PCSK5: variants seen among roughly 807,000 people sequenced by gnomAD.
PCSK5 encodes prohormone convertase 5.
Under a neutral mutation model 233.2 loss-of-function variants are expected in PCSK5, and 129 were observed. The observed-to-expected ratio is 0.55, with a 90% CI of 0.48 to 0.64. PCSK5 has a LOEUF of 0.64. PCSK5 is among the 30% of genes least tolerant of loss of function. PCSK5 has a pLI of 0.00. For synonymous variants in PCSK5, 825 were observed against 879.2 expected (o/e 0.94, Z 1.09); for missense variants, 2,076 against 2,430.1 (o/e 0.85, Z 3.06).
intron 20 of PCSK5, among the ~76,000 whole-genome samples, chr9:76,190,434 T>C (rs1213271465): frequency 6.6e-6 from 1 of 152,184 alleles, no homozygotes; most frequent in Non-Finnish European, 1.5e-5. Flanking sequence ...TATTGTTGTA[T>C]TTCTTTCCAG....
intron 5 of PCSK5, among the ~76,000 whole-genome samples, chr9:76,039,185 T>C (rs1023181): frequency 0.28 from 42,618 of 152,110 alleles, 7,133 homozygotes; most frequent in East Asian, 0.56. Flanking sequence ...CATATTCTCA[T>C]TGTGTTTTTA....
chr9:76,058,456 G>T (rs1356989389), intron 5 of PCSK5, among the ~76,000 whole-genome samples: 1 of 152,170 alleles, frequency 6.6e-6, no homozygotes, highest in African/African-American at 2.4e-5. Context: ...GATGAGACAA[G>T]AGGATAAATA....
chr9:76,018,648 A>G (rs1828054573), intron 3 of PCSK5, among the ~76,000 whole-genome samples: 1 of 139,070 alleles, frequency 7.2e-6, no homozygotes, highest in Non-Finnish European at 1.6e-5. Flanking sequence ...GGGGACCGCT[A>G]TTCTAAAGAA....
chr9:76,090,705 A>G (rs960725304), intron 7 of PCSK5, among the ~76,000 whole-genome samples: 27 of 152,184 alleles, frequency 1.8e-4, no homozygotes, highest in Admixed American at 1.2e-3. Flanking sequence ...GAACGGTTTC[A>G]TGGAAGTCAG....
At chr9:75,996,082 A>C (rs944851785) in intron 3 of PCSK5, among the ~76,000 whole-genome samples, 1 of 152,214 alleles carries the variant, frequency 6.6e-6, no homozygotes, top group African/African-American at 2.4e-5. Context: ...CTCCTTAAAA[A>C]AATACTTTGT....
At chr9:76,351,653 GAGAGAGAA>G (rs138554812) in intron 36 of PCSK5, among the ~76,000 whole-genome samples, 16 of 93,756 alleles carry the variant, frequency 1.7e-4, no homozygotes, top group Non-Finnish European at 3.2e-4. Context: ...GAAAGAAAGA[GAGAGAGAA>G]AGAAAGAAAG....
At chr9:76,249,297 C>G (rs994056074) in intron 24 of PCSK5, among the ~76,000 whole-genome samples, 4 of 151,868 alleles carry the variant, frequency 2.6e-5, no homozygotes, top group Non-Finnish European at 4.4e-5. Context: ...ATGCTGAGGT[C>G]AAGAAAAATC....
intron 32 of PCSK5, among the ~76,000 whole-genome samples, chr9:76,324,083 G>A (rs531365314): frequency 1.3e-5 from 2 of 151,392 alleles, no homozygotes; most frequent in Non-Finnish European, 1.5e-5. Context: ...GTGCCACCAC[G>A]CCTGGCTAAT....
Position 76,071,822 on chromosome 9 carries a change from G to T in PCSK5, c.818G>T (p.Gly273Val). ...QHVHIYSASW[G>V]PDDDGKTVDG... Reference sequence around the variant, plus strand: ...GTGCACATTTACAGCGCCAGCTGGGGCCCGGATGATGATGGCAAGACTGTG... The same window carrying T: ...GTGCACATTTACAGCGCCAGCTGGGTCCCGGATGATGATGGCAAGACTGTG... Residue 273 changes from glycine to valine, a missense_variant, in exon 7 of 38, where the codon GGC becomes GTC. By Grantham distance (109) the Gly-to-Val change is moderately radical. Transcript: ENST00000674117. 1 of 1,614,182 alleles carries T rather than the reference G, an allele frequency of 6.2e-7. No individual in the cohort carries two copies. The highest frequency in any genetic ancestry group is 8.5e-7 in the Non-Finnish European group (1 of 1,180,028).
chr9:76,348,852 G>A (rs569031303), intron 35 of PCSK5, among the ~76,000 whole-genome samples: 1 of 150,720 alleles, frequency 6.6e-6, no homozygotes, highest in South Asian at 2.1e-4. Flanking sequence ...TTACTTCTAT[G>A]AGTTCAATTG....
chr9:76,107,446 C>A (rs1587636323), intron 9 of PCSK5, 95 bp downstream of exon 9: 1 of 632,156 alleles, frequency 1.6e-6, no homozygotes, highest in East Asian at 2.9e-5. Flanking sequence ...AGCATGACAA[C>A]CTAGAATATA....
intron 10 of PCSK5, among the ~76,000 whole-genome samples, chr9:76,154,053 C>G (rs10869712): frequency 0.52 from 79,673 of 152,040 alleles, 21,320 homozygotes; most frequent in African/African-American, 0.62. Flanking sequence ...TTCCCGTATT[C>G]ACACCAGATT....
At chr9:76,330,397 TG>T (rs1475397211) in intron 33 of PCSK5, among the ~76,000 whole-genome samples, 4 of 152,088 alleles carry the variant, frequency 2.6e-5, no homozygotes, top group Non-Finnish European at 5.9e-5. Flanking sequence ...CCAGGAAGTA[TG>T]AGCACTTTTC....
intron 2 of PCSK5, among the ~76,000 whole-genome samples, chr9:75,968,004 C>T (rs543509632): frequency 3.2e-4 from 48 of 152,292 alleles, no homozygotes; most frequent in African/African-American, 8.2e-4. Flanking sequence ...TCAGGTGATC[C>T]GCCCGCCTGG....
chr9:76,323,453 G>A (rs547037721), intron 32 of PCSK5, among the ~76,000 whole-genome samples, 165 bp downstream of exon 32: 1 of 152,188 alleles, frequency 6.6e-6, no homozygotes, highest in African/African-American at 2.4e-5. Context: ...GCACGAACAT[G>A]GCTCACTGAA....
intron 10 of PCSK5, among the ~76,000 whole-genome samples, chr9:76,152,004 T>C (rs1823694961): frequency 6.6e-6 from 1 of 152,230 alleles, no homozygotes; most frequent in Non-Finnish European, 1.5e-5. Context: ...ATATTGAAAC[T>C]GATGCTTTCG....
chr9:76,238,938 G>A (rs781576958), intron 22 of PCSK5, 21 bp from the exon 23 acceptor site: 27 of 1,565,314 alleles, frequency 1.7e-5, no homozygotes, highest in Middle Eastern at 3.3e-4. Context: ...CCCTCTTTTC[G>A]TTGCCCCTGT....
At chr9:75,924,133 C>G (rs956126913) in intron 1 of PCSK5, among the ~76,000 whole-genome samples, 1 of 151,464 alleles carries the variant, frequency 6.6e-6, no homozygotes, top group Non-Finnish European at 1.5e-5. Flanking sequence ...CACTAATCAG[C>G]CGACCACATA....
At chr9:75,994,717 C>T (rs1371562738) in intron 3 of PCSK5, among the ~76,000 whole-genome samples, 4 of 152,048 alleles carry the variant, frequency 2.6e-5, no homozygotes, top group Admixed American at 2.0e-4. Context: ...CCAGTGCGCC[C>T]GGCCCCACCT....
Sources: allele counts gnomAD v4.1 joint callset (sites outside exome capture counted in the v4.1 genomes callset), GRCh38; gene constraint gnomAD v4.1.1; transcripts MANE v1.5; gene names NCBI Gene and HGNC (gene_info 2026-07-23, HGNC 2026-07-21).